The following UNC5CL variants were observed in gnomAD, a reference collection of about 807,000 sequenced individuals.
UNC5CL encodes the protein unc-5 family C-terminal like.
A neutral mutation model predicts 54.1 loss-of-function variants in UNC5CL; 42 were observed. The ratio of observed to expected loss-of-function variants is 0.78; its 90% confidence interval spans 0.61 to 1.00. The LOEUF is 1.00. UNC5CL is among the 50% of genes least tolerant of loss of function. The pLI is 0.00. For synonymous variants in UNC5CL, 285 were observed against 285.1 expected, an observed-to-expected ratio of 1.00 and a Z score of 0.00; for missense variants, 619 against 675.6, an observed-to-expected ratio of 0.92 and a Z score of 0.93.
Position 41,034,171 on chromosome 6 carries a change from A to G in UNC5CL, c.396T>C (p.Ala132=), listed in dbSNP as rs1291556497. 6.2e-7 allele frequency: 1 copy of G among 1,606,680 alleles called. No individual in the cohort carries two copies. The highest frequency in any genetic ancestry group is 8.5e-7 in the Non-Finnish European group (1 of 1,175,634). Residue 132 remains alanine, a synonymous_variant, in exon 3 of 9, where the codon GCT becomes GCC. Coordinates refer to ENST00000244565, the MANE Select transcript of UNC5CL (RefSeq NM_173561.3). ...AAGACACCCGCTCCTGGCGGCCCAC[A>G]GCCACAGCACCTGGCAGGGAGAGGG... ...ISLLIPPGAV[A]VGRQERVSLI... is the part of the protein sequence containing the mutation.
At position 41,030,647 on chromosome 6, in the gene UNC5CL, C is replaced by A. The variant is rs370561468; in HGVS notation, c.1220+8G>T. On this transcript the variant is annotated splice_region_variant and intron_variant, in intron 7 of 8. Coordinates refer to ENST00000244565, the MANE Select transcript of UNC5CL (RefSeq NM_173561.3). ...CCCAGGCAGCAGCCCAAGCAACCCCCGTCTCACCTATTGCATGGGGGCGGC... is the reference window on the plus strand; with the variant it reads ...CCCAGGCAGCAGCCCAAGCAACCCCAGTCTCACCTATTGCATGGGGGCGGC... 19 of 1,614,030 alleles carry A rather than the reference C, an allele frequency of 1.2e-5. No homozygotes were observed. The highest frequency in any genetic ancestry group is 1.4e-5 in the Non-Finnish European group (17 of 1,179,964).
At chr6:41,031,880 C>G in intron 5 of UNC5CL, 132 bp from the exon 6 acceptor site, 2 of 1,250,816 alleles carry the variant, frequency 1.6e-6, no homozygotes, top group Non-Finnish European at 2.3e-6. Flanking sequence ...CCATTTTTCT[C>G]TCTGCAAAGA....
rs1762489647 is a variant in UNC5CL, at chr6:41,034,128, G to A, written c.439C>T (p.Leu147=). The change falls in exon 3 of 9, where the codon CTG becomes TTG. Residue 147 remains leucine, a synonymous_variant. Transcript: ENST00000244565. The stretch of plus-strand genomic sequence containing the variant: ...TGGGACAGCGATGGGGCGTCCGACA[G>A]GTCCCACACCAGGATCAAAGACACC... ...ERVSLILVWD[L]SDAPSLSQAQ... is the part of the protein sequence containing the mutation. 1.2e-6 allele frequency: 2 copies of A among 1,613,874 alleles called. No individual in the cohort carries two copies. The highest frequency in any genetic ancestry group is 3.3e-5 in the Admixed American group (2 of 59,998).
In UNC5CL at chr6:41,027,480, A is replaced by T. The variant is rs1762400872; in HGVS notation, c.*893T>A. On this transcript the variant is annotated 3_prime_UTR_variant, in exon 9 of 9. Transcript: ENST00000244565. ...ACTTAAAACGCACACCATTGGAGAT[A>T]AAGAGATAAAAGGGCTGGGCCAGAA... 6.6e-6 allele frequency: 1 copy of T among 152,274 alleles called. No homozygotes were observed. Among genetic ancestry groups the T allele is most frequent in the Non-Finnish European group, 1.5e-5 (1 of 68,068 alleles). The allele number at this position is 152,274 out of a possible 1,614,324, so 9.4% of individuals were successfully genotyped here.
intron 6 of UNC5CL, 139 bp from the exon 7 acceptor site, chr6:41,030,894 T>A: frequency 1.4e-6 from 1 of 718,564 alleles, no homozygotes; most frequent in Admixed American, 2.3e-5. Context: ...GATACAACCC[T>A]GCTCCACCCA....
intron 5 of UNC5CL, 30 bp from the exon 6 acceptor site, chr6:41,031,778 T>C (rs758996009): frequency 6.2e-7 from 1 of 1,612,692 alleles, no homozygotes; most frequent in East Asian, 2.2e-5. Context: ...GCGTGGCCAG[T>C]GAGTGAGGAA....
rs145718552 is a variant in UNC5CL, at chr6:41,028,272, G to T, written c.*101C>A. On this transcript the variant is annotated 3_prime_UTR_variant, in exon 9 of 9. Coordinates refer to ENST00000244565, the MANE Select transcript of UNC5CL (RefSeq NM_173561.3). This position sits in a 1 kb window ranked among gnomAD's most constrained non-coding sequence, Gnocchi z 4.3. ...TGGCACCGTCCGAGGGTTCTGGGAA[G>T]GGTGGTGGGCACAGCCAGGAACAGC... is the stretch of plus-strand genomic sequence containing the variant. 6.3e-3 allele frequency: 7,913 copies of T among 1,246,864 alleles called. 313 individuals are homozygous for T. The African/African-American group carries it at 0.092, about 14-fold the overall frequency. The allele number at this position is 1,246,864 out of a possible 1,614,324, so 77.2% of individuals were successfully genotyped here.
intron 2 of UNC5CL, 102 bp from the exon 3 acceptor site, chr6:41,034,283 G>T: frequency 7.3e-7 from 1 of 1,363,826 alleles, no homozygotes; most frequent in Non-Finnish European, 9.8e-7. Flanking sequence ...CAGGAGCCCA[G>T]GAGAGACCCC....
chr6:41,038,794 A>G (rs1581979866), intron 1 of UNC5CL, among the ~76,000 whole-genome samples: 1 of 152,296 alleles, frequency 6.6e-6, no homozygotes, highest in East Asian at 1.9e-4. Flanking sequence ...CTCCTGCTGC[A>G]AAGTTCTGCT....
Position 41,028,215 on chromosome 6 carries a change from T to C in UNC5CL, c.*158A>G, listed in dbSNP as rs943761178. ...CTCGCGGCCGGAAGGGCGCGCCTGC[T>C]GCTGGGAGGCTGGCGAGGACGCGGG... On this transcript the variant is annotated 3_prime_UTR_variant, in exon 9 of 9. Coordinates refer to ENST00000244565, the MANE Select transcript of UNC5CL (RefSeq NM_173561.3). The surrounding 1 kb of genome is among the most constrained non-coding windows in gnomAD (Gnocchi z 4.3). 1.3e-6 allele frequency: 1 copy of C among 779,994 alleles called. No homozygotes were observed. Among genetic ancestry groups the C allele is most frequent in the Non-Finnish European group, 1.9e-6 (1 of 513,708 alleles). 48.3% of individuals were successfully genotyped at this position (779,994 alleles called of 1,614,324 possible).
Position 41,028,349 on chromosome 6 carries a change from C to G in UNC5CL, c.*24G>C. 1 of 1,544,616 alleles carries G rather than the reference C, an allele frequency of 6.5e-7. No individual in the cohort carries two copies. The highest frequency in any genetic ancestry group is 8.7e-7 in the Non-Finnish European group (1 of 1,147,346). On this transcript the variant is annotated 3_prime_UTR_variant, in exon 9 of 9. Coordinates refer to ENST00000244565, the MANE Select transcript of UNC5CL (RefSeq NM_173561.3). This position sits in a 1 kb window ranked among gnomAD's most constrained non-coding sequence, Gnocchi z 4.3. ...AACAACCCCTCTCGCCCCTACACCT[C>G]CTCCGGCCCTGCCCGCTGGGCGCTC... is the stretch of plus-strand genomic sequence containing the variant.
Position 41,032,102 on chromosome 6 carries a change from C to T in UNC5CL, c.985G>A (p.Val329Ile). The change falls in exon 5 of 9, where the codon GTT (valine) becomes ATT (isoleucine). Residue 329 changes from valine to isoleucine, a missense_variant. Transcript: ENST00000244565. ...ENVDDSSCQL[V>I]PHLHIWHGKC... ...CCATGCCAGATGTGGAGATGGGGAA[C>T]CAGCTGGCAACTGCTGTCATCCACA... 9 of 1,614,154 alleles carry T rather than the reference C, an allele frequency of 5.6e-6. No individual in the cohort carries two copies. Among genetic ancestry groups the T allele is most frequent in the Non-Finnish European group, 7.6e-6 (9 of 1,180,032 alleles).
Position 41,033,911 on chromosome 6 carries a change from TCCCGGGAGGCGTGGGCC to T in UNC5CL, c.639_655del (p.Ala214Ter), listed in dbSNP as rs1369455932. 1 of 1,613,604 alleles carries T rather than the reference TCCCGGGAGGCGTGGGCC, an allele frequency of 6.2e-7. No homozygotes were observed. The highest frequency in any genetic ancestry group is 1.3e-5 in the African/African-American group (1 of 74,892). ...GTGGGAGAGGTGGATGCGACACTCA[TCCCGGGAGGCGTGGGCC>T]CCCGGCCGCCCCAGGGGCCTCCATA... On this transcript the variant is annotated frameshift_variant, in exon 3 of 9. Transcript: ENST00000244565. LOFTEE classifies it high-confidence loss of function.
At chr6:41,037,424 T>C (rs1581979306) in intron 1 of UNC5CL, among the ~76,000 whole-genome samples, 2 of 152,196 alleles carry the variant, frequency 1.3e-5, no homozygotes, top group African/African-American at 2.4e-5. Flanking sequence ...GAGGCTGCAC[T>C]GGAAGAGCTT....
intron 1 of UNC5CL, among the ~76,000 whole-genome samples, chr6:41,037,743 G>C (rs761005334): frequency 6.6e-6 from 1 of 152,244 alleles, no homozygotes; most frequent in East Asian, 1.9e-4. Context: ...GCACACAGGT[G>C]AATCAGTGAA....
rs749414913 is a variant in UNC5CL at position 41,034,932 on chromosome 6, C to G, written c.143G>C (p.Gly48Ala). ...RLLGACWTLN[G>A]QEEPVSQPTP... ...AGGCTGGGACACTGGTTCCTCTTGA[C>G]CATTCAGTGTCCAGCAGGCCCCCAG... Residue 48 changes from glycine to alanine, a missense_variant, in exon 2 of 9, where the codon GGT (glycine) becomes GCT (alanine). Coordinates refer to ENST00000244565, the MANE Select transcript of UNC5CL (RefSeq NM_173561.3). 1 of 1,614,124 alleles carries G rather than the reference C, an allele frequency of 6.2e-7. No homozygotes were observed. The highest frequency in any genetic ancestry group is 1.1e-5 in the South Asian group (1 of 91,078).
chr6:41,032,462 CACAA>C (rs1274782300), intron 4 of UNC5CL, among the ~76,000 whole-genome samples: 19 of 152,174 alleles, frequency 1.2e-4, no homozygotes, highest in Admixed American at 1.1e-3. Flanking sequence ...GCCCAGAGGT[CACAA>C]ACAGACTTGG....
In UNC5CL at chr6:41,033,964, C is replaced by T; in HGVS notation, c.603G>A (p.Leu201=). 1 of 1,614,162 alleles carries T rather than the reference C, an allele frequency of 6.2e-7. No individual in the cohort carries two copies. The highest frequency in any genetic ancestry group is 8.5e-7 in the Non-Finnish European group (1 of 1,180,020). ...CCAGGGGCCTCCATACCTTGGCATC[C>T]AGCAGGGTAGTGTTGCTGCTGTAGG... ...ARTYSSNTTL[L]DAKVWRPLGR... Residue 201 remains leucine (L), a synonymous_variant, in exon 3 of 9, where the codon CTG becomes CTA. Transcript: ENST00000244565.
intron 8 of UNC5CL, 126 bp downstream of exon 8, chr6:41,030,262 G>A (rs1446184464): frequency 1.9e-5 from 15 of 810,196 alleles, no homozygotes; most frequent in Non-Finnish European, 2.7e-5. Flanking sequence ...GAAATAGGGT[G>A]GACAGTAGCC....
Sources: gnomAD v4.1 joint callset for allele counts (sites outside exome capture counted in the v4.1 genomes callset) on GRCh38, gnomAD v4.1.1 for gene constraint, Gnocchi (gnomAD v3.1) non-coding constraint, MANE v1.5 for transcripts, NCBI Gene and HGNC (gene_info 2026-07-23, HGNC 2026-07-21) for gene names.